FOXN3: variants seen among roughly 807,000 people sequenced by gnomAD.
The protein encoded by FOXN3 is forkhead box protein N3.
A neutral mutation model predicts 38.4 loss-of-function variants in FOXN3; 7 were observed. The ratio of observed to expected loss-of-function variants is 0.18; its 90% CI spans 0.10 to 0.34. FOXN3 has a LOEUF of 0.34. FOXN3 is among the 10% of genes least tolerant of loss of function. The probability of loss-of-function intolerance (pLI) is 1.00; values close to 1 mark genes in which losing one functional copy is unlikely to be tolerated. For missense variants in FOXN3, 456 were observed against 613.4 expected, an observed-to-expected ratio of 0.74 and a Z score of 2.71; for synonymous variants, 230 against 242.2, an observed-to-expected ratio of 0.95 and a Z score of 0.47.
At chr14:89,538,771 G>A (rs1190238631) in intron 1 of FOXN3, among the ~76,000 whole-genome samples, 3 of 152,064 alleles carry the variant, frequency 2.0e-5, no homozygotes, top group Admixed American at 6.5e-5. Context: ...GCCCGCCTCA[G>A]CCTCCCAAAA....
intron 1 of FOXN3, among the ~76,000 whole-genome samples, chr14:89,422,704 C>A (rs1033459097): frequency 2.6e-5 from 4 of 152,154 alleles, no homozygotes; most frequent in African/African-American, 9.7e-5. Context: ...TTCTGGTCAC[C>A]GTCTCTTGGG....
At chr14:89,599,159 T>A (rs967982189) in intron 1 of FOXN3, among the ~76,000 whole-genome samples, 6 of 152,224 alleles carry the variant, frequency 3.9e-5, no homozygotes, top group Non-Finnish European at 8.8e-5. Context: ...GTTCACTAAC[T>A]CTCTCCTCAA....
chr14:89,393,893 T>C (rs767761070), intron 2 of FOXN3, among the ~76,000 whole-genome samples: 1 of 152,186 alleles, frequency 6.6e-6, no homozygotes, highest in Non-Finnish European at 1.5e-5. Flanking sequence ...GTACATTTCA[T>C]AGCCCCCTGA....
chr14:89,156,536 C>G lies in FOXN3; in HGVS notation c.*5878G>C, dbSNP rs1211253511. The stretch of plus-strand genomic sequence containing the variant: ...AATTGGCTTTTGAAAAATTATTACT[C>G]TCGTAAATTAATTTGGCCGTGTAGG... On this transcript the variant is annotated 3_prime_UTR_variant, in exon 6 of 6. Coordinates refer to ENST00000557258, the MANE Select transcript of FOXN3 (RefSeq NM_005197.4). 1 of 152,374 alleles carries G rather than the reference C, an allele frequency of 6.6e-6. No homozygotes were observed. Among genetic ancestry groups the G allele is most frequent in the Non-Finnish European group, 1.5e-5 (1 of 68,022 alleles). The allele number at this position is 152,374 out of a possible 1,614,324, so 9.4% of individuals were successfully genotyped here.
chr14:89,286,710 G>A (rs1039848336), intron 3 of FOXN3, among the ~76,000 whole-genome samples: 21 of 152,090 alleles, frequency 1.4e-4, no homozygotes, highest in African/African-American at 4.8e-4. Flanking sequence ...TGTGACCTAC[G>A]CCACAATGTA....
At chr14:89,181,995 T>C (rs1384850619) in intron 4 of FOXN3, among the ~76,000 whole-genome samples, 1 of 152,152 alleles carries the variant, frequency 6.6e-6, no homozygotes, top group Non-Finnish European at 1.5e-5. Context: ...TCCCCAGAGC[T>C]CTGGCTGTGC....
chr14:89,509,626 C>T (rs567247409), intron 1 of FOXN3, among the ~76,000 whole-genome samples: 6 of 152,324 alleles, frequency 3.9e-5, no homozygotes, highest in South Asian at 2.1e-4. Context: ...TGATCCACCA[C>T]GCCCAGCATT....
chr14:89,288,652 CTGTAATA>C (rs1273446386), intron 3 of FOXN3, among the ~76,000 whole-genome samples: 1,231 of 51,282 alleles, frequency 0.024, 156 homozygotes, highest in East Asian at 0.057. Flanking sequence ...ACTCCAAAGG[CTGTAATA>C]GGCACTCTCT....
At chr14:89,350,545 T>C (rs1888928633) in intron 3 of FOXN3, 127 bp downstream of exon 3, 23 of 822,326 alleles carry the variant, frequency 2.8e-5, no homozygotes, top group Non-Finnish European at 3.8e-5. Context: ...TAATACTTAA[T>C]TTCTTTCTCA....
chr14:89,354,887 T>G (rs1447057108), intron 2 of FOXN3, among the ~76,000 whole-genome samples: 2 of 150,746 alleles, frequency 1.3e-5, no homozygotes, highest in Admixed American at 1.3e-4. Context: ...TAAATAACTG[T>G]GAGGGCCACA....
chr14:89,588,432 G>A (rs971626734), intron 1 of FOXN3, among the ~76,000 whole-genome samples: 11 of 152,286 alleles, frequency 7.2e-5, no homozygotes, highest in African/African-American at 2.2e-4. Context: ...ATTCAGCAAT[G>A]GGTGTTTGTC....
chr14:89,352,439 G>A (rs930086907), intron 2 of FOXN3, among the ~76,000 whole-genome samples: 1 of 152,110 alleles, frequency 6.6e-6, no homozygotes, highest in African/African-American at 2.4e-5. Flanking sequence ...GAGAGGTTTG[G>A]GGGGAAAGAC....
intron 1 of FOXN3, among the ~76,000 whole-genome samples, chr14:89,437,174 C>CA (rs1349200058): frequency 2.9e-5 from 4 of 135,880 alleles, no homozygotes; most frequent in Admixed American, 7.1e-5. Flanking sequence ...AACTCTGTCT[C>CA]AAAAAACAAA....
At chr14:89,348,204 A>C (rs900647825) in intron 3 of FOXN3, among the ~76,000 whole-genome samples, 6 of 152,006 alleles carry the variant, frequency 3.9e-5, no homozygotes, top group South Asian at 2.1e-4. Flanking sequence ...AAAGCCAAGC[A>C]CTTCCCAGGT....
chr14:89,615,598 C>A (rs1271479995), intron 1 of FOXN3, among the ~76,000 whole-genome samples: 2 of 152,162 alleles, frequency 1.3e-5, no homozygotes, highest in Non-Finnish European at 2.9e-5. Flanking sequence ...CAACAAATCC[C>A]ATTCATTTCC....
intron 3 of FOXN3, among the ~76,000 whole-genome samples, chr14:89,286,409 G>A (rs941653558): frequency 2.0e-5 from 3 of 152,082 alleles, no homozygotes; most frequent in Non-Finnish European, 4.4e-5. Context: ...GAAAAAGTGG[G>A]TGTAGCAAGA....
intron 2 of FOXN3, among the ~76,000 whole-genome samples, chr14:89,392,676 T>C (rs183334474): frequency 6.7e-6 from 1 of 148,674 alleles, no homozygotes; most frequent in African/African-American, 2.5e-5. Context: ...AGTCTCATTC[T>C]GTCACCCGGG....
intron 3 of FOXN3, chr14:89,290,686 T>C (rs549988427): frequency 7.2e-6 from 3 of 418,826 alleles, no homozygotes; most frequent in African/African-American, 4.2e-5. Context: ...TTGGGAGATG[T>C]GGGACTTGGA....
chr14:89,470,281 C>A (rs1046737488), intron 1 of FOXN3, among the ~76,000 whole-genome samples: 1 of 110,210 alleles, frequency 9.1e-6, no homozygotes, highest in Admixed American at 1.2e-4. Context: ...TTACATATTT[C>A]TCTCTGACTT....
Sources: gnomAD v4.1 joint callset for allele counts (sites outside exome capture counted in the v4.1 genomes callset) on GRCh38, gnomAD v4.1.1 for gene constraint, MANE v1.5 for transcripts, NCBI Gene and HGNC (gene_info 2026-07-23, HGNC 2026-07-21) for gene names.